The following GRM1 variants were observed in gnomAD, a reference collection of about 807,000 sequenced individuals.
The protein encoded by GRM1 is metabotropic glutamate receptor 1.
In GRM1, 33 loss-of-function variants were observed where a neutral mutation model predicts 90.9. The observed-to-expected ratio is 0.36, with a 90% CI of 0.28 to 0.49. The LOEUF (loss-of-function observed/expected upper bound fraction) is 0.49, where lower values mean the gene tolerates loss of function less well. Among genes scored for constraint, GRM1 ranks in the 20% least tolerant of loss-of-function variants. The pLI is 0.99. For missense variants in GRM1, 1,190 were observed against 1,534.3 expected (o/e 0.78, Z 3.75); for synonymous variants, 700 against 613.2 (o/e 1.14, Z -2.09).
At chr6:146,194,596 T>C (rs1378969261) in intron 2 of GRM1, among the ~76,000 whole-genome samples, 2 of 152,200 alleles carry the variant, frequency 1.3e-5, no homozygotes. Context: ...CTGCTGAGCT[T>C]CCCAACACAT....
At chr6:146,249,513 C>T (rs1486094261) in intron 2 of GRM1, among the ~76,000 whole-genome samples, 1 of 152,082 alleles carries the variant, frequency 6.6e-6, no homozygotes, top group Non-Finnish European at 1.5e-5. Context: ...TGGTTTTGGG[C>T]CTATGGGTGC....
At chr6:146,382,191 C>T (rs1218302261) in intron 5 of GRM1, among the ~76,000 whole-genome samples, 1 of 151,976 alleles carries the variant, frequency 6.6e-6, no homozygotes, top group Non-Finnish European at 1.5e-5. Flanking sequence ...AAATTAAACA[C>T]TTATTCACTT....
chr6:146,398,866 T>C lies in GRM1; in HGVS notation c.1827T>C (p.Phe609=), dbSNP rs1354940544. Residue 609 remains phenylalanine, a synonymous_variant, in exon 7 of 8, where the codon TTT becomes TTC. Coordinates refer to ENST00000282753, the MANE Select transcript of GRM1 (RefSeq NM_001278064.2). ...FSCLGILVTL[F]VTLIFVLYRD... ...GCCTGGGAATCCTTGTTACCTTGTT[T>C]GTCACCCTAATCTTTGTACTGTACC... 7 of 1,613,880 alleles carry C rather than the reference T, an allele frequency of 4.3e-6. No individual in the cohort carries two copies. The highest frequency in any genetic ancestry group is 5.9e-6 in the Non-Finnish European group (7 of 1,179,802).
intron 6 of GRM1, among the ~76,000 whole-genome samples, chr6:146,387,769 G>A (rs1455602351): frequency 6.6e-6 from 1 of 152,104 alleles, no homozygotes; most frequent in Non-Finnish European, 1.5e-5. Context: ...GGATGGCAGA[G>A]TGCTTCTGTG....
chr6:146,212,164 G>A (rs1326357980), intron 2 of GRM1, among the ~76,000 whole-genome samples: 2 of 152,124 alleles, frequency 1.3e-5, no homozygotes, highest in Non-Finnish European at 2.9e-5. Flanking sequence ...AATTGATTAT[G>A]GATTTTGAAA....
chr6:146,208,090 G>T (rs914686511), intron 2 of GRM1, among the ~76,000 whole-genome samples: 3 of 151,850 alleles, frequency 2.0e-5, no homozygotes, highest in Admixed American at 6.6e-5. Context: ...CTGATTCACT[G>T]TCATCAGACT....
chr6:146,383,328 T>C (rs1435038759), intron 5 of GRM1, among the ~76,000 whole-genome samples: 2 of 152,172 alleles, frequency 1.3e-5, no homozygotes, highest in Non-Finnish European at 2.9e-5. Flanking sequence ...CATTATTGTC[T>C]TTTGAATTTG....
At chr6:146,054,415 CAG>C (rs1346384069) in intron 1 of GRM1, among the ~76,000 whole-genome samples, 1 of 151,952 alleles carries the variant, frequency 6.6e-6, no homozygotes, top group Non-Finnish European at 1.5e-5. Context: ...AATTATAAAA[CAG>C]ATTTAATTTT....
At chr6:146,054,755 G>A (rs182576710) in intron 1 of GRM1, among the ~76,000 whole-genome samples, 38 of 152,190 alleles carry the variant, frequency 2.5e-4, no homozygotes, top group Non-Finnish European at 4.9e-4. Flanking sequence ...TACCAGAAAT[G>A]TTTTATAGAA....
intron 2 of GRM1, among the ~76,000 whole-genome samples, chr6:146,200,188 C>G (rs1779255916): frequency 6.6e-6 from 1 of 152,156 alleles, no homozygotes; most frequent in Admixed American, 6.5e-5. Context: ...CTCTGCAACT[C>G]TAACAGTTAA....
intron 1 of GRM1, among the ~76,000 whole-genome samples, chr6:146,089,840 GTTA>G (rs1037567031): frequency 1.3e-5 from 2 of 152,004 alleles, no homozygotes; most frequent in Non-Finnish European, 2.9e-5. Context: ...ATATCGCATT[GTTA>G]CTTTAATTTA....
At chr6:146,124,012 A>T (rs887335794) in intron 1 of GRM1, among the ~76,000 whole-genome samples, 42 of 152,246 alleles carry the variant, frequency 2.8e-4, no homozygotes, top group African/African-American at 1.0e-3. Context: ...AGTCGAGTTT[A>T]CAAAACTCAT....
intron 5 of GRM1, among the ~76,000 whole-genome samples, chr6:146,367,443 A>T (rs1286523958): frequency 1.3e-5 from 2 of 151,266 alleles, no homozygotes; most frequent in African/African-American, 4.9e-5. Flanking sequence ...TTTTACTTTT[A>T]TTTTAGCTTC....
chr6:146,296,701 C>T (rs1004992135), intron 2 of GRM1, among the ~76,000 whole-genome samples: 4 of 152,306 alleles, frequency 2.6e-5, no homozygotes, highest in South Asian at 2.1e-4. Context: ...GTTTTTATAA[C>T]AATATCTAGA....
At chr6:146,203,922 C>A (rs1162040567) in intron 2 of GRM1, among the ~76,000 whole-genome samples, 1 of 152,142 alleles carries the variant, frequency 6.6e-6, no homozygotes. Context: ...ATGTGGATAG[C>A]AAAAATCTTT....
chr6:146,289,835 G>C (rs1461712603), intron 2 of GRM1, among the ~76,000 whole-genome samples: 2 of 152,220 alleles, frequency 1.3e-5, no homozygotes, highest in Non-Finnish European at 1.5e-5. Flanking sequence ...TGTATATACA[G>C]TGTAGGAATG....
chr6:146,077,664 G>T (rs1040881055), intron 1 of GRM1, among the ~76,000 whole-genome samples: 1 of 152,136 alleles, frequency 6.6e-6, no homozygotes, highest in South Asian at 2.1e-4. Flanking sequence ...ATAGTGAAGG[G>T]GGAAAATCTT....
chr6:146,305,109 T>A (rs934674612), intron 3 of GRM1, among the ~76,000 whole-genome samples: 1 of 150,666 alleles, frequency 6.6e-6, no homozygotes, highest in Non-Finnish European at 1.5e-5. Context: ...AGGAGTCAGG[T>A]ATCTAGTATT....
chr6:146,192,667 ATTT>A (rs1295806150), intron 2 of GRM1, among the ~76,000 whole-genome samples: 6 of 152,234 alleles, frequency 3.9e-5, no homozygotes, highest in African/African-American at 1.4e-4. Flanking sequence ...TAACCAGCAC[ATTT>A]AAACTGTGTT....
Sources: gnomAD v4.1 joint callset for allele counts (sites outside exome capture counted in the v4.1 genomes callset) on GRCh38, gnomAD v4.1.1 for gene constraint, MANE v1.5 for transcripts, NCBI Gene and HGNC (gene_info 2026-07-23, HGNC 2026-07-21) for gene names.